STARD13: variants seen among roughly 807,000 people sequenced by gnomAD.
STARD13 encodes stAR-related lipid transfer protein 13.
STARD13 carries 62 observed loss-of-function variants against 106.4 expected under a neutral mutation model. The observed-to-expected ratio is 0.58, with a 90% confidence interval of 0.48 to 0.72. The LOEUF is 0.72. STARD13 is among the 30% of genes least tolerant of loss of function. The pLI is 0.00. For missense variants in STARD13, 1,387 were observed against 1,424.0 expected (o/e 0.97, Z 0.42); for synonymous variants, 565 against 553.0 (o/e 1.02, Z -0.31).
chr13:33,334,897 A>G (rs2077877735), intron 1 of STARD13: 1 of 148,918 alleles, frequency 6.7e-6, no homozygotes, highest in African/African-American at 2.5e-5. Context: ...CCACACACTC[A>G]CACATTTTAA....
At chr13:33,214,327 T>G (rs1887900951) in intron 1 of STARD13, among the ~76,000 whole-genome samples, 1 of 152,200 alleles carries the variant, frequency 6.6e-6, no homozygotes, top group Admixed American at 6.5e-5. Flanking sequence ...GAGGCATACT[T>G]ATCTAAAAAG....
At chr13:33,298,523 A>C in intron 1 of STARD13, among the ~76,000 whole-genome samples, 1 of 151,400 alleles carries the variant, frequency 6.6e-6, no homozygotes, top group African/African-American at 2.4e-5. Context: ...ACACCAAACC[A>C]CGCACCACCT....
chr13:33,140,252 C>T (rs1210935680), intron 4 of STARD13, among the ~76,000 whole-genome samples: 3 of 152,192 alleles, frequency 2.0e-5, no homozygotes, highest in Non-Finnish European at 2.9e-5. Flanking sequence ...TTGGCATTTT[C>T]TTTTGTGATG....
intron 1 of STARD13, among the ~76,000 whole-genome samples, chr13:33,211,710 A>G (rs1352837496): frequency 2.6e-5 from 4 of 152,212 alleles, no homozygotes; most frequent in Admixed American, 2.0e-4. Context: ...AGAAGTCTGT[A>G]CATGTTCAAT....
chr13:33,177,142 T>C (rs1884602906), intron 1 of STARD13, among the ~76,000 whole-genome samples: 1 of 152,212 alleles, frequency 6.6e-6, no homozygotes, highest in South Asian at 2.1e-4. Flanking sequence ...CTTTGAGGAA[T>C]ATGACAACTT....
chr13:33,262,067 G>T (rs1285840061), intron 1 of STARD13, among the ~76,000 whole-genome samples: 1 of 152,192 alleles, frequency 6.6e-6, no homozygotes, highest in African/African-American at 2.4e-5. Flanking sequence ...ACTGCCTTAA[G>T]CTGAGAAGCA....
the STARD13 span, among the ~76,000 whole-genome samples, chr13:33,505,802 A>G: frequency 3.3e-5 from 5 of 152,162 alleles, no homozygotes; most frequent in Non-Finnish European, 7.4e-5. Flanking sequence ...GGTCCTCCAC[A>G]AATATATTTA....
chr13:33,424,125 C>CA, the STARD13 span, among the ~76,000 whole-genome samples: 33 of 148,250 alleles, frequency 2.2e-4, no homozygotes, highest in East Asian at 5.9e-4. Context: ...AAATCTGTAA[C>CA]AAAAAAAAAA....
the STARD13 span, among the ~76,000 whole-genome samples, chr13:33,613,861 G>C: frequency 1.3e-5 from 2 of 152,200 alleles, no homozygotes; most frequent in African/African-American, 4.8e-5. Context: ...AGAACTTCCA[G>C]GTCCTTTTAG....
chr13:33,238,943 C>A (rs1889330560), intron 1 of STARD13, among the ~76,000 whole-genome samples: 1 of 151,984 alleles, frequency 6.6e-6, no homozygotes, highest in Admixed American at 6.6e-5. Flanking sequence ...AGTGTTTTTT[C>A]TATGTACATG....
chr13:33,253,880 T>C (rs112831973), intron 1 of STARD13, among the ~76,000 whole-genome samples: 52 of 152,276 alleles, frequency 3.4e-4, no homozygotes, highest in African/African-American at 1.2e-3. Flanking sequence ...TGATGAGCAA[T>C]GAACAAAACA....
At chr13:33,308,525 T>TC (rs1460101886) in intron 1 of STARD13, among the ~76,000 whole-genome samples, 2 of 140,160 alleles carry the variant, frequency 1.4e-5, no homozygotes, top group Non-Finnish European at 3.1e-5. Context: ...TCTTTCTTTT[T>TC]TTTTTTTTTT....
At chr13:33,578,952 C>T in the STARD13 span, among the ~76,000 whole-genome samples, 1 of 152,026 alleles carries the variant, frequency 6.6e-6, no homozygotes, top group African/African-American at 2.4e-5. Flanking sequence ...CAATGAGATA[C>T]CACCTTACTC....
chr13:33,511,300 A>G, the STARD13 span: 1 of 147,762 alleles, frequency 6.8e-6, no homozygotes, highest in East Asian at 2.0e-4. Context: ...ACAACACAGC[A>G]AGACTCCATC....
chr13:33,606,735 T>C, the STARD13 span, among the ~76,000 whole-genome samples: 2 of 152,260 alleles, frequency 1.3e-5, no homozygotes, highest in African/African-American at 2.4e-5. Flanking sequence ...AAATGTCTTA[T>C]AGTTCTACAG....
At chr13:33,454,959 C>T in the STARD13 span, among the ~76,000 whole-genome samples, 2 of 152,218 alleles carry the variant, frequency 1.3e-5, no homozygotes, top group East Asian at 3.8e-4. Context: ...GGCCTACACT[C>T]TGGGAAGGCA....
chr13:33,406,263 G>A, the STARD13 span, among the ~76,000 whole-genome samples: 2 of 152,156 alleles, frequency 1.3e-5, no homozygotes, highest in South Asian at 2.1e-4. Flanking sequence ...TGACATAGCC[G>A]AAGAACAATA....
intron 1 of STARD13, among the ~76,000 whole-genome samples, chr13:33,184,987 T>C (rs1885612739): frequency 6.6e-6 from 1 of 152,252 alleles, no homozygotes; most frequent in Non-Finnish European, 1.5e-5. Context: ...GGAAAATCTA[T>C]GCTCCAAGAA....
chr13:33,141,604 G>C (rs1200773682), intron 4 of STARD13, among the ~76,000 whole-genome samples: 1 of 152,160 alleles, frequency 6.6e-6, no homozygotes, highest in Non-Finnish European at 1.5e-5. Flanking sequence ...AGATGAGCCA[G>C]AGTTCAGGAT....
Sources: gnomAD v4.1 joint callset for allele counts (sites outside exome capture counted in the v4.1 genomes callset) on GRCh38, gnomAD v4.1.1 for gene constraint, MANE v1.5 for transcripts, NCBI Gene and HGNC (gene_info 2026-07-23, HGNC 2026-07-21) for gene names.